PARD3B: variants seen among roughly 807,000 people sequenced by gnomAD.
PARD3B encodes the protein par-3 family cell polarity regulator beta.
In PARD3B, 103 loss-of-function variants were observed where a neutral mutation model predicts 130.2. That is an observed-to-expected ratio of 0.79 (90% CI 0.67 to 0.93). The LOEUF is 0.93. Ranked by LOEUF, PARD3B falls within the 40% of genes least tolerant of loss-of-function variation. The probability of loss-of-function intolerance (pLI) is 0.00; values close to 1 mark genes in which losing one functional copy is unlikely to be tolerated. For synonymous variants in PARD3B, 583 were observed against 553.2 expected, an observed-to-expected ratio of 1.05 and a Z score of -0.76; for missense variants, 1,609 against 1,499.2, an observed-to-expected ratio of 1.07 and a Z score of -1.21.
In PARD3B at chr2:205,241,342, C is replaced by T. The variant is rs965743251; in HGVS notation, c.2141-4436C>T. ...TAGAAATCCTATTATCTAAATAAAT[C>T]GGAAGAAAGATCAAGAGGAGGCAGT... On this transcript the variant is annotated intron_variant, in intron 15 of 22. Coordinates refer to ENST00000406610, the MANE Select transcript of PARD3B (RefSeq NM_001302769.2). The surrounding 1 kb of genome is among the most constrained non-coding windows in gnomAD (Gnocchi z 4.2). 2.6e-5 allele frequency among the ~76,000 whole-genome samples: 4 copies of T among 151,996 alleles called. No individual in the cohort carries two copies. Among genetic ancestry groups the T allele is most frequent in the Admixed American group, 6.6e-5 (1 of 15,254 alleles).
chr2:204,865,782 G>A (rs1358470519), intron 2 of PARD3B, among the ~76,000 whole-genome samples: 1 of 152,076 alleles, frequency 6.6e-6, no homozygotes, highest in Non-Finnish European at 1.5e-5. Flanking sequence ...AAAACCTATT[G>A]AAAGAAAAAG....
chr2:205,474,219 C>T (rs1041381444), intron 20 of PARD3B, among the ~76,000 whole-genome samples: 3 of 151,554 alleles, frequency 2.0e-5, no homozygotes, highest in Non-Finnish European at 4.4e-5. Context: ...TCTGAGTATT[C>T]TATATTAAAT....
rs1424279127 is a variant in PARD3B, at chr2:205,562,300, A to G, written c.3260+8897A>G. 6.6e-6 allele frequency among the ~76,000 whole-genome samples: 1 copy of G among 152,236 alleles called. No homozygotes were observed. Among genetic ancestry groups the G allele is most frequent in the East Asian group, 1.9e-4 (1 of 5,202 alleles). The stretch of plus-strand genomic sequence containing the variant: ...AAAGGCCTCCATTATGAGTTTAGTT[A>G]GAATATTAGTGATTTAAAACATGTT... On this transcript the variant is annotated intron_variant, in intron 22 of 22. Coordinates refer to ENST00000406610, the MANE Select transcript of PARD3B (RefSeq NM_001302769.2). The surrounding 1 kb of genome is among the most constrained non-coding windows in gnomAD (Gnocchi z 5.4).
At chr2:204,758,127 C>G (rs1368143795) in intron 2 of PARD3B, among the ~76,000 whole-genome samples, 1 of 152,168 alleles carries the variant, frequency 6.6e-6, no homozygotes, top group Non-Finnish European at 1.5e-5. Flanking sequence ...CTCCATGTGG[C>G]AGTGTCTCAT....
At chr2:204,593,763 A>G (rs2033169974) in intron 1 of PARD3B, among the ~76,000 whole-genome samples, 2 of 152,168 alleles carry the variant, frequency 1.3e-5, no homozygotes, top group South Asian at 4.1e-4. Flanking sequence ...CAGCTGCAGA[A>G]TTTGTGCTTT....
At chr2:205,432,384 A>AGTTTT (rs746006766) in intron 19 of PARD3B, among the ~76,000 whole-genome samples, 7 of 151,934 alleles carry the variant, frequency 4.6e-5, no homozygotes, top group Admixed American at 6.6e-5. Context: ...TTTGCTTCCC[A>AGTTTT]CCTCACTGAG....
intron 2 of PARD3B, among the ~76,000 whole-genome samples, chr2:204,853,658 G>GA (rs150471005): frequency 0.16 from 23,646 of 152,044 alleles, 2,663 homozygotes; most frequent in African/African-American, 0.31. Flanking sequence ...CAAAGAAAAA[G>GA]AAACAGAGGA....
intron 3 of PARD3B, among the ~76,000 whole-genome samples, chr2:204,992,832 T>C (rs1289404201): frequency 1.4e-5 from 2 of 143,204 alleles, no homozygotes; most frequent in African/African-American, 2.6e-5. Context: ...TTTATTCTCT[T>C]TGAAGCAATT....
rs555702130 is a variant in PARD3B, at chr2:205,446,537, G to A, written c.3044+5865G>A. On this transcript the variant is annotated intron_variant, in intron 20 of 22. Coordinates refer to ENST00000406610, the MANE Select transcript of PARD3B (RefSeq NM_001302769.2). The surrounding 1 kb of genome is among the most constrained non-coding windows in gnomAD (Gnocchi z 4.4). ...TATCTCTGTCACATAGGAACAGATC[G>A]TGTGTATGTGGTCCATAGTAGCTTT... Among the ~76,000 whole-genome samples, 1 of 151,962 alleles carries A rather than the reference G, an allele frequency of 6.6e-6. No individual in the cohort carries two copies. Among genetic ancestry groups the A allele is most frequent in the Non-Finnish European group, 1.5e-5 (1 of 68,012 alleles).
At chr2:205,513,675 A>C (rs1462340130) in intron 21 of PARD3B, among the ~76,000 whole-genome samples, 1 of 152,086 alleles carries the variant, frequency 6.6e-6, no homozygotes, top group Non-Finnish European at 1.5e-5. Flanking sequence ...TCATGCATTC[A>C]TTTATTAATT....
intron 16 of PARD3B, among the ~76,000 whole-genome samples, chr2:205,270,183 C>T (rs1346617070): frequency 6.6e-6 from 1 of 152,084 alleles, no homozygotes; most frequent in Admixed American, 6.6e-5. Context: ...AATATCCTGT[C>T]AGTAATAATA....
chr2:205,500,375 G>A (rs1295800383), intron 21 of PARD3B, among the ~76,000 whole-genome samples: 1 of 152,092 alleles, frequency 6.6e-6, no homozygotes, highest in African/African-American at 2.4e-5. Flanking sequence ...TCTCTCCTTT[G>A]GAAAATGGTG....
intron 1 of PARD3B, among the ~76,000 whole-genome samples, chr2:204,601,320 C>A (rs2033502006): frequency 6.6e-6 from 1 of 151,912 alleles, no homozygotes; most frequent in Non-Finnish European, 1.5e-5. Flanking sequence ...TTAAAGAAAT[C>A]AAGCAGGCAC....
chr2:204,784,313 A>T (rs1285471111), intron 2 of PARD3B, among the ~76,000 whole-genome samples: 2 of 151,066 alleles, frequency 1.3e-5, no homozygotes, highest in Non-Finnish European at 3.0e-5. Flanking sequence ...TACTAAATGG[A>T]TTTTTTTTTC....
At chr2:204,795,650 A>G (rs1379776556) in intron 2 of PARD3B, among the ~76,000 whole-genome samples, 2 of 152,216 alleles carry the variant, frequency 1.3e-5, no homozygotes, top group African/African-American at 4.8e-5. Flanking sequence ...TCATCAGGTT[A>G]GATCATTGGA....
chr2:204,653,582 G>A (rs1048158876), intron 1 of PARD3B, among the ~76,000 whole-genome samples: 3 of 150,672 alleles, frequency 2.0e-5, no homozygotes, highest in African/African-American at 7.5e-5. Context: ...CCTGAGGTCA[G>A]GAGTTTGAGA....
intron 15 of PARD3B, among the ~76,000 whole-genome samples, chr2:205,231,523 G>C (rs2038837652): frequency 6.8e-6 from 1 of 146,534 alleles, no homozygotes; most frequent in East Asian, 2.0e-4. Context: ...TTTTTGTAGA[G>C]ATGGGGTTTT....
intron 19 of PARD3B, among the ~76,000 whole-genome samples, chr2:205,436,116 A>G (rs1439967893): frequency 6.6e-6 from 1 of 152,210 alleles, no homozygotes; most frequent in African/African-American, 2.4e-5. Context: ...AATAGCAAAG[A>G]GGGACCTTAG....
At chr2:204,795,605 C>T (rs901380229) in intron 2 of PARD3B, among the ~76,000 whole-genome samples, 1 of 152,232 alleles carries the variant, frequency 6.6e-6, no homozygotes, top group South Asian at 2.1e-4. Context: ...GGAACTTTCT[C>T]CAAAGATGGA....
Sources: allele counts gnomAD v4.1 joint callset (sites outside exome capture counted in the v4.1 genomes callset), GRCh38; gene constraint gnomAD v4.1.1; non-coding constraint Gnocchi (gnomAD v3.1); transcripts MANE v1.5; gene names NCBI Gene and HGNC (gene_info 2026-07-23, HGNC 2026-07-21).